AKAP7: variants seen among roughly 807,000 people sequenced by gnomAD.
AKAP7 encodes the protein A-kinase anchoring protein 7.
A neutral mutation model predicts 39.5 loss-of-function variants in AKAP7; 39 were observed. The observed-to-expected ratio is 0.99, with a 90% CI of 0.76 to 1.29. The LOEUF (loss-of-function observed/expected upper bound fraction) is 1.29. AKAP7 is among the 50% of genes most tolerant of loss of function. The pLI, the probability that AKAP7 is intolerant of heterozygous loss-of-function variation, is 0.00. For missense variants in AKAP7, 414 were observed against 407.7 expected, an observed-to-expected ratio of 1.02 and a Z score of -0.13; for synonymous variants, 140 against 139.1, an observed-to-expected ratio of 1.01 and a Z score of -0.05.
At chr6:131,183,613 G>A (rs1805505982) in intron 5 of AKAP7, among the ~76,000 whole-genome samples, 1 of 152,124 alleles carries the variant, frequency 6.6e-6, no homozygotes, top group African/African-American at 2.4e-5. Flanking sequence ...ACATTCCAAG[G>A]GTGGGGAATG....
rs1252281652 is a variant in AKAP7 at position 131,281,732 on chromosome 6, G to A, written c.*6G>A. ...ATGAGAACAACAGGAAATGAGCCCGGAACGCAGGCCCCCATGTCTCTGTGC... is the reference window on the plus strand; with the variant it reads ...ATGAGAACAACAGGAAATGAGCCCGAAACGCAGGCCCCCATGTCTCTGTGC... On this transcript the variant is annotated 3_prime_UTR_variant, in exon 8 of 8. Transcript: ENST00000431975. The surrounding 1 kb of genome is among the most constrained non-coding windows in gnomAD (Gnocchi z 4.0). 6.3e-7 allele frequency: 1 copy of A among 1,590,468 alleles called. No individual in the cohort carries two copies. Among genetic ancestry groups the A allele is most frequent in the East Asian group, 2.3e-5 (1 of 44,392 alleles).
At chr6:131,215,018 T>C (rs1005490442) in intron 6 of AKAP7, among the ~76,000 whole-genome samples, 1 of 152,206 alleles carries the variant, frequency 6.6e-6, no homozygotes, top group Non-Finnish European at 1.5e-5. Context: ...ATTGTGGTTA[T>C]TAAATGAGTT....
chr6:131,221,443 G>A (rs570298335), intron 7 of AKAP7, among the ~76,000 whole-genome samples: 4 of 152,230 alleles, frequency 2.6e-5, no homozygotes, highest in Admixed American at 6.5e-5. Flanking sequence ...GCTGCAGCCA[G>A]TTATCCAGAA....
intron 1 of AKAP7, among the ~76,000 whole-genome samples, chr6:131,142,394 C>G (rs1801120467): frequency 6.6e-6 from 1 of 152,254 alleles, no homozygotes. Flanking sequence ...CCACCTCCAG[C>G]TGTGGCTCAA....
intron 3 of AKAP7, among the ~76,000 whole-genome samples, chr6:131,161,242 G>A (rs1802914137): frequency 6.6e-6 from 1 of 152,100 alleles, no homozygotes; most frequent in Non-Finnish European, 1.5e-5. Flanking sequence ...TACATAACAA[G>A]AGAAGAGTTA....
chr6:131,163,305 G>A (rs2128239930), intron 3 of AKAP7, among the ~76,000 whole-genome samples: 2 of 152,298 alleles, frequency 1.3e-5, no homozygotes, highest in South Asian at 4.1e-4. Flanking sequence ...AAGATTAGGA[G>A]TTATATTTTG....
At chr6:131,154,072 A>C (rs1443111516) in intron 2 of AKAP7, among the ~76,000 whole-genome samples, 2 of 152,106 alleles carry the variant, frequency 1.3e-5, no homozygotes, top group Non-Finnish European at 1.5e-5. Flanking sequence ...TTAGCTGGGC[A>C]TGGTGGGCAC....
At chr6:131,224,607 G>C (rs1472174639) in intron 7 of AKAP7, among the ~76,000 whole-genome samples, 2 of 151,368 alleles carry the variant, frequency 1.3e-5, no homozygotes, top group Admixed American at 1.3e-4. Flanking sequence ...TACATTCTTG[G>C]AGAGTGCTAG....
chr6:131,251,486 A>C, intron 7 of AKAP7, among the ~76,000 whole-genome samples: 1 of 152,130 alleles, frequency 6.6e-6, no homozygotes, highest in East Asian at 1.9e-4. Context: ...ATGGAATTTC[A>C]TATCTGGTTC....
At chr6:131,182,136 T>A (rs558212376) in intron 5 of AKAP7, among the ~76,000 whole-genome samples, 39 of 149,332 alleles carry the variant, frequency 2.6e-4, no homozygotes, top group South Asian at 1.9e-3. Context: ...AAAAAAAAAA[T>A]AATTTTTAAC....
intron 5 of AKAP7, among the ~76,000 whole-genome samples, chr6:131,176,199 T>G (rs1336614052): frequency 6.6e-6 from 1 of 151,972 alleles, no homozygotes; most frequent in Non-Finnish European, 1.5e-5. Flanking sequence ...GGGCTTATGG[T>G]GGTAGCCACT....
chr6:131,130,779 G>T (rs1048832043), upstream of AKAP7, among the ~76,000 whole-genome samples: 6 of 152,188 alleles, frequency 3.9e-5, no homozygotes, highest in Non-Finnish European at 8.8e-5. Context: ...TGATTCATTA[G>T]ATTAGTTTTG....
intron 5 of AKAP7, among the ~76,000 whole-genome samples, chr6:131,182,248 C>T (rs759361515): frequency 2.8e-4 from 43 of 152,268 alleles, no homozygotes; most frequent in Middle Eastern, 3.4e-3. Context: ...AACCAATCTA[C>T]GGAATCTTTT....
rs1391997953 is a variant in AKAP7 at position 131,282,211 on chromosome 6, G to A, written c.*485G>A. The A allele has an allele frequency of 3.1e-6, 4 of 1,310,926 alleles. No individual in the cohort carries two copies. Among genetic ancestry groups the A allele is most frequent in the Non-Finnish European group, 3.9e-6 (4 of 1,035,888 alleles). The allele number at this position is 1,310,926 out of a possible 1,614,324, so 81.2% of individuals were successfully genotyped here. ...ATAATGTTTCATGTTTGTCCTAAGTGTGCTGTTGCTATGCAGTGTGATCTT... is the reference window on the plus strand; with the variant it reads ...ATAATGTTTCATGTTTGTCCTAAGTATGCTGTTGCTATGCAGTGTGATCTT... On this transcript the variant is annotated 3_prime_UTR_variant, in exon 8 of 8. Transcript: ENST00000431975.
At chr6:131,258,982 T>G (rs1437062655) in intron 7 of AKAP7, among the ~76,000 whole-genome samples, 3 of 152,126 alleles carry the variant, frequency 2.0e-5, no homozygotes, top group Non-Finnish European at 4.4e-5. Context: ...TTTGTAGTGC[T>G]GATGGGAGAG....
intron 1 of AKAP7, among the ~76,000 whole-genome samples, chr6:131,141,350 C>T (rs1024356319): frequency 6.6e-6 from 1 of 152,264 alleles, no homozygotes; most frequent in Non-Finnish European, 1.5e-5. Flanking sequence ...CATTGGCTTC[C>T]CTTTGCCTTC....
chr6:131,140,387 T>C (rs1028920583), intron 1 of AKAP7, among the ~76,000 whole-genome samples: 1 of 152,204 alleles, frequency 6.6e-6, no homozygotes, highest in African/African-American at 2.4e-5. Context: ...GCTCTCTAAT[T>C]GTTGGTGATT....
intron 3 of AKAP7, among the ~76,000 whole-genome samples, chr6:131,163,343 T>C (rs1159925149): frequency 6.6e-6 from 1 of 152,242 alleles, no homozygotes; most frequent in Non-Finnish European, 1.5e-5. Flanking sequence ...CATTTTTGTT[T>C]GTTTGTTTTA....
At chr6:131,221,981 G>C (rs1809738027) in intron 7 of AKAP7, among the ~76,000 whole-genome samples, 1 of 152,134 alleles carries the variant, frequency 6.6e-6, no homozygotes, top group South Asian at 2.1e-4. Flanking sequence ...TATTATTTAA[G>C]AAATATTTTT....
Sources: allele counts gnomAD v4.1 joint callset (sites outside exome capture counted in the v4.1 genomes callset), GRCh38; gene constraint gnomAD v4.1.1; non-coding constraint Gnocchi (gnomAD v3.1); transcripts MANE v1.5; gene names NCBI Gene and HGNC (gene_info 2026-07-23, HGNC 2026-07-21).